PAK1: variants seen among roughly 807,000 people sequenced by gnomAD.
PAK1 encodes the protein serine/threonine-protein kinase PAK 1.
In PAK1, 29 loss-of-function variants were observed where a neutral mutation model predicts 67.4. The ratio of observed to expected loss-of-function variants is 0.43; its 90% CI spans 0.32 to 0.59. The LOEUF (loss-of-function observed/expected upper bound fraction) is 0.59. Among genes scored for constraint, PAK1 ranks in the 20% least tolerant of loss-of-function variants. The pLI, the probability that PAK1 is intolerant of heterozygous loss-of-function variation, is 0.07. For missense variants in PAK1, 337 were observed against 670.7 expected, an observed-to-expected ratio of 0.50 and a Z score of 5.50; for synonymous variants, 223 against 237.4, an observed-to-expected ratio of 0.94 and a Z score of 0.56.
At chr11:77,343,703 A>C (rs1177543490) in intron 10 of PAK1, 116 bp downstream of exon 10, 2 of 700,730 alleles carry the variant, frequency 2.9e-6, no homozygotes, top group Non-Finnish European at 5.2e-6. Flanking sequence ...TCAGCATCAC[A>C]GAAGACTCAT....
intron 14 of PAK1, chr11:77,325,473 T>A: frequency 8.1e-7 from 1 of 1,232,236 alleles, no homozygotes; most frequent in Non-Finnish European, 1.1e-6. Flanking sequence ...GTTTAGTGCC[T>A]AAAATATGGT....
At chr11:77,371,992 A>G (rs577769426) in intron 5 of PAK1, among the ~76,000 whole-genome samples, 1 of 152,364 alleles carries the variant, frequency 6.6e-6, no homozygotes, top group Admixed American at 6.5e-5. Context: ...GAGATTCACA[A>G]GACTCAGTTG....
At chr11:77,462,546 T>C (rs952804705) in intron 1 of PAK1, among the ~76,000 whole-genome samples, 3 of 152,084 alleles carry the variant, frequency 2.0e-5, no homozygotes, top group African/African-American at 4.8e-5. Context: ...AAAGAAGTCA[T>C]GTGGGCCAGG....
At chr11:77,465,002 GT>G (rs1957529886) in intron 1 of PAK1, among the ~76,000 whole-genome samples, 1 of 150,640 alleles carries the variant, frequency 6.6e-6, no homozygotes, top group African/African-American at 2.4e-5. Flanking sequence ...GTGTGTGTGT[GT>G]GTGTGTGTGT....
chr11:77,471,140 CAAACTGACA>C (rs1179008479), intron 1 of PAK1, among the ~76,000 whole-genome samples: 1 of 152,114 alleles, frequency 6.6e-6, no homozygotes, highest in African/African-American at 2.4e-5. Context: ...AAGCAATGAC[CAAACTGACA>C]AAACTTCCCA....
chr11:77,434,888 G>C (rs1956041994), intron 1 of PAK1, among the ~76,000 whole-genome samples: 1 of 151,984 alleles, frequency 6.6e-6, no homozygotes, highest in Non-Finnish European at 1.5e-5. Flanking sequence ...CAAAGTGGTG[G>C]GATTACAGAC....
chr11:77,406,729 T>C (rs967029179), intron 1 of PAK1, among the ~76,000 whole-genome samples: 1 of 152,120 alleles, frequency 6.6e-6, no homozygotes, highest in Non-Finnish European at 1.5e-5. Context: ...GTGAGTGAGC[T>C]GAGATTGCTC....
At chr11:77,468,840 A>G (rs758802523) in intron 1 of PAK1, among the ~76,000 whole-genome samples, 1 of 152,190 alleles carries the variant, frequency 6.6e-6, no homozygotes. Flanking sequence ...TTTAAAATCA[A>G]TATTCAGGCA....
In PAK1 at chr11:77,324,172, C is replaced by CTTTTTT. The variant is rs11324143; in HGVS notation, c.1552-818_1552-813dup. Reference sequence around the variant, plus strand: ...GTAAAACTGTTACAGAAAGCAATTCCTTTTTTTTTTTTTTTTTTGAGACGG... The same window carrying CTTTTTT: ...GTAAAACTGTTACAGAAAGCAATTCCTTTTTTTTTTTTTTTTTTTTTTTTGAGACGG... On this transcript the variant is annotated intron_variant, in intron 14 of 14. Coordinates refer to ENST00000356341, the MANE Select transcript of PAK1 (RefSeq NM_002576.5). Among the ~76,000 whole-genome samples the CTTTTTT allele has an allele frequency of 2.1e-3, 264 of 127,418 alleles. 11 individuals carry two copies. Among genetic ancestry groups the CTTTTTT allele is most frequent in the African/African-American group, 7.7e-3 (246 of 31,978 alleles). The allele number at this position is 127,418 out of a possible 152,430, so 83.6% of individuals were successfully genotyped here.
chr11:77,355,601 C>A lies in PAK1; in HGVS notation c.772+67G>T, dbSNP rs970353353. On this transcript the variant is annotated intron_variant, in intron 7 of 14. Coordinates refer to ENST00000356341, the MANE Select transcript of PAK1 (RefSeq NM_002576.5). ...CCAGCTGCATGGACCAAGCCTACGACCAGCAAATCTCTGTGCTTGACCAGT... is the reference window on the plus strand; with the variant it reads ...CCAGCTGCATGGACCAAGCCTACGAACAGCAAATCTCTGTGCTTGACCAGT... 38 of 1,352,150 alleles carry A rather than the reference C, an allele frequency of 2.8e-5. 1 individual carries two copies. In the South Asian group the frequency reaches 4.6e-4, roughly 16 times the overall value. The allele number at this position is 1,352,150 out of a possible 1,614,324, so 83.8% of individuals were successfully genotyped here.
chr11:77,489,539 A>T, the PAK1 span, among the ~76,000 whole-genome samples: 4 of 152,000 alleles, frequency 2.6e-5, no homozygotes, highest in Admixed American at 2.0e-4. Context: ...GGCTCACTGC[A>T]ACCTCCCTGC....
In PAK1 at chr11:77,440,791, G is replaced by A. The variant is rs533607903; in HGVS notation, c.-22+32761C>T. ...GCATTGAAGCCACCAAAAAACAAGA[G>A]ACCTTCTAAGCTGCTGGAAGCAAGA... On this transcript the variant is annotated intron_variant, in intron 1 of 14. Transcript: ENST00000356341. Among the ~76,000 whole-genome samples the A allele has an allele frequency of 3.9e-5, 6 of 152,202 alleles. No individual in the cohort carries two copies. The East Asian group carries it at 1.2e-3, about 29-fold the overall frequency.
intron 5 of PAK1, among the ~76,000 whole-genome samples, chr11:77,373,811 A>G (rs7102973): frequency 0.029 from 4,359 of 152,264 alleles, 194 homozygotes; most frequent in African/African-American, 0.098. Context: ...ATGACTTTAA[A>G]TGAATAAAAT....
the PAK1 span, among the ~76,000 whole-genome samples, chr11:77,491,941 A>G: frequency 1.3e-5 from 2 of 152,222 alleles, no homozygotes; most frequent in African/African-American, 4.8e-5. Context: ...TGTCTACAAG[A>G]AACACACTTC....
intron 8 of PAK1, among the ~76,000 whole-genome samples, chr11:77,352,462 T>A (rs1353884179): frequency 1.3e-5 from 2 of 152,190 alleles, no homozygotes; most frequent in Non-Finnish European, 2.9e-5. Context: ...GCTGAAAAAT[T>A]CCTATCACCC....
At chr11:77,430,274 G>A (rs770501871) in intron 1 of PAK1, among the ~76,000 whole-genome samples, 13 of 151,942 alleles carry the variant, frequency 8.6e-5, no homozygotes, top group Non-Finnish European at 1.6e-4. Context: ...ACAGGACATC[G>A]GGTTTTTGGT....
At chr11:77,335,500 T>C (rs1942533753) in intron 13 of PAK1, among the ~76,000 whole-genome samples, 1 of 152,204 alleles carries the variant, frequency 6.6e-6, no homozygotes, top group African/African-American at 2.4e-5. Context: ...CTTTCTCTAA[T>C]ATTCAGTTCA....
the PAK1 span, among the ~76,000 whole-genome samples, chr11:77,490,292 C>CG: frequency 6.9e-6 from 1 of 145,426 alleles, no homozygotes; most frequent in African/African-American, 2.6e-5. Flanking sequence ...GGGGGTCAGC[C>CG]CCCCCACCCG....
intron 1 of PAK1, among the ~76,000 whole-genome samples, chr11:77,415,547 C>G (rs1307514890): frequency 1.3e-5 from 2 of 151,658 alleles, no homozygotes; most frequent in African/African-American, 4.8e-5. Context: ...AACTGTAACA[C>G]AATAGTATTT....
Sources: allele counts gnomAD v4.1 joint callset (sites outside exome capture counted in the v4.1 genomes callset), GRCh38; gene constraint gnomAD v4.1.1; transcripts MANE v1.5; gene names NCBI Gene and HGNC (gene_info 2026-07-23, HGNC 2026-07-21).